Variants in CFH observed in about 807,000 individuals in gnomAD.
The protein encoded by CFH is complement factor H.
Under a neutral mutation model 147.3 loss-of-function variants are expected in CFH, and 53 were observed. The ratio of observed to expected loss-of-function variants is 0.36; its 90% CI spans 0.29 to 0.45. The LOEUF (loss-of-function observed/expected upper bound fraction) is 0.45, where lower values mean the gene tolerates loss of function less well. CFH is among the 20% of genes least tolerant of loss of function. The pLI, the probability that CFH is intolerant of heterozygous loss-of-function variation, is 1.00. For missense variants in CFH, 1,380 were observed against 1,498.0 expected (o/e 0.92, Z 1.30); for synonymous variants, 536 against 489.4 (o/e 1.10, Z -1.26).
At chr1:196,732,195 G>T (rs548002369) in intron 15 of CFH, among the ~76,000 whole-genome samples, 3 of 151,306 alleles carry the variant, frequency 2.0e-5, no homozygotes, top group African/African-American at 7.3e-5. Flanking sequence ...TGTTTATTTT[G>T]GTTCTCAGAT....
At chr1:196,691,909 T>C (rs1668037352) in intron 9 of CFH, among the ~76,000 whole-genome samples, 1 of 152,086 alleles carries the variant, frequency 6.6e-6, no homozygotes, top group Admixed American at 6.6e-5. Flanking sequence ...TGTGTTGATT[T>C]TATTCATGAT....
Position 196,726,902 on chromosome 1 carries a change from G to A in CFH, c.2198G>A (p.Cys733Tyr). The change falls in exon 14 of 22, where the codon TGT becomes TAT. Residue 733 changes from cysteine (C) to tyrosine (Y), a missense_variant. By Grantham distance (194) the Cys-to-Tyr change is radical. This residue lies in a region of CFH where 830 missense variants were observed against 821.4 expected (regional missense o/e 1.01). Transcript: ENST00000367429. ...ATGATTGGACACAGATCAATTACGT[G>A]TATTCATGGAGTATGGACCCAACTT... ...FTMIGHRSITCIHGVWTQLPQ... is the reference protein window; with the variant it reads ...FTMIGHRSITYIHGVWTQLPQ... 2.5e-6 allele frequency: 4 copies of A among 1,613,668 alleles called. No individual in the cohort carries two copies. The highest frequency in any genetic ancestry group is 3.4e-6 in the Non-Finnish European group (4 of 1,179,742).
At chr1:196,675,653 CAAT>C (rs140687268) in intron 3 of CFH, among the ~76,000 whole-genome samples, 48 of 151,942 alleles carry the variant, frequency 3.2e-4, no homozygotes, top group African/African-American at 1.1e-3. Flanking sequence ...TTGTATGAAA[CAAT>C]AATGATTTTG....
chr1:196,743,720 G>T, intron 20 of CFH, 92 bp downstream of exon 20: 3 of 1,565,136 alleles, frequency 1.9e-6, no homozygotes, highest in South Asian at 1.1e-5. Context: ...TTTATTAATA[G>T]ATTTTTCAAA....
At chr1:196,726,377 AT>A (rs1669137072) in intron 12 of CFH, 92 bp from the exon 13 acceptor site, 1 of 971,090 alleles carries the variant, frequency 1.0e-6, no homozygotes, top group Non-Finnish European at 1.6e-6. Context: ...TGAAGAATAC[AT>A]GAATAAAAGA....
chr1:196,733,232 T>C (rs1017240080), intron 15 of CFH, among the ~76,000 whole-genome samples: 1 of 152,016 alleles, frequency 6.6e-6, no homozygotes, highest in Non-Finnish European at 1.5e-5. Flanking sequence ...CTGTGCAAGC[T>C]CGATAGAGGC....
chr1:196,675,987 A>G lies in CFH; in HGVS notation c.351-2A>G, dbSNP rs113004102. On this transcript the variant is annotated splice_acceptor_variant, in intron 3 of 21. Transcript: ENST00000367429. LOFTEE classifies it high-confidence loss of function. The stretch of plus-strand genomic sequence containing the variant: ...AACGTTCTGTTATTTTTTGGTTTTC[A>G]GGTATCAATTGCTAGGTGAGATTAA... 4 of 1,605,506 alleles carry G rather than the reference A, an allele frequency of 2.5e-6. No individual in the cohort carries two copies. The highest frequency in any genetic ancestry group is 3.4e-6 in the Non-Finnish European group (4 of 1,172,908).
At chr1:196,697,806 C>T (rs1276432141) in intron 9 of CFH, among the ~76,000 whole-genome samples, 2 of 151,946 alleles carry the variant, frequency 1.3e-5, no homozygotes, top group Non-Finnish European at 2.9e-5. Flanking sequence ...ACATATACAC[C>T]ATAGAATACT....
At chr1:196,703,496 G>T (rs1033137417) in intron 9 of CFH, among the ~76,000 whole-genome samples, 3 of 152,114 alleles carry the variant, frequency 2.0e-5, no homozygotes, top group African/African-American at 7.2e-5. Flanking sequence ...TTCCCACATG[G>T]GGCTTGAGAT....
At chr1:196,722,973 C>T (rs1000386089) in intron 11 of CFH, among the ~76,000 whole-genome samples, 1 of 151,672 alleles carries the variant, frequency 6.6e-6, no homozygotes, top group African/African-American at 2.4e-5. Flanking sequence ...TCATTCATAT[C>T]CTGAGTTTTT....
chr1:196,742,430 A>G (rs1558185276), intron 19 of CFH, among the ~76,000 whole-genome samples: 1 of 152,214 alleles, frequency 6.6e-6, no homozygotes, highest in Non-Finnish European at 1.5e-5. Flanking sequence ...TTATTTATAT[A>G]GAGTGTTTTG....
At position 196,728,412 on chromosome 1, in the gene CFH, A is replaced by G; in HGVS notation, c.2303A>G (p.Lys768Arg). The G allele has an allele frequency of 6.2e-7, 1 of 1,607,298 alleles. No homozygotes were observed. Among genetic ancestry groups the G allele is most frequent in the African/African-American group, 1.3e-5 (1 of 74,858 alleles). ...ATACTTGAGGAACATTTAAAAAACA[A>G]GAAGGAATTCGATCATAATTCTAAC... ...LIILEEHLKN[K>R]KEFDHNSNIR... The change falls in exon 15 of 22, where the codon AAG (lysine) becomes AGG (arginine). Residue 768 changes from lysine (K) to arginine (R), a missense_variant. Coordinates refer to ENST00000367429, the MANE Select transcript of CFH (RefSeq NM_000186.4).
chr1:196,658,429 T>TTTTTTTTTTTTTTTTTTTTTTGGG, intron 1 of CFH, among the ~76,000 whole-genome samples: 1 of 144,810 alleles, frequency 6.9e-6, no homozygotes, highest in Non-Finnish European at 1.5e-5. Flanking sequence ...TTTTTTTTTT[T>TTTTTTTTTTTTTTTTTTTTTTGGG]GAGATGGAGT....
chr1:196,721,628 C>A (rs956071306), intron 11 of CFH, among the ~76,000 whole-genome samples: 2 of 151,912 alleles, frequency 1.3e-5, no homozygotes, highest in African/African-American at 4.8e-5. Flanking sequence ...TTTGTCCCTG[C>A]AATCTGTCTA....
chr1:196,744,904 C>A (rs1652947251), intron 20 of CFH, among the ~76,000 whole-genome samples: 1 of 151,924 alleles, frequency 6.6e-6, no homozygotes, highest in Non-Finnish European at 1.5e-5. Flanking sequence ...CCTTGGTATC[C>A]CTTTCTCTGA....
intron 9 of CFH, among the ~76,000 whole-genome samples, chr1:196,695,458 C>T (rs1351742137): frequency 6.6e-6 from 1 of 152,016 alleles, no homozygotes; most frequent in Non-Finnish European, 1.5e-5. Flanking sequence ...CAGCTTTGTG[C>T]TTTTTGATTA....
intron 9 of CFH, among the ~76,000 whole-genome samples, chr1:196,694,646 C>T (rs1283390280): frequency 2.6e-5 from 4 of 152,190 alleles, no homozygotes; most frequent in Admixed American, 6.5e-5. Context: ...CCTATTTCTC[C>T]GCATCCTCGC....
At chr1:196,661,884 T>G (rs1666922895) in intron 1 of CFH, among the ~76,000 whole-genome samples, 1 of 151,720 alleles carries the variant, frequency 6.6e-6, no homozygotes, top group Non-Finnish European at 1.5e-5. Flanking sequence ...AGGTTTTGTT[T>G]TGTTTGTTTT....
At chr1:196,689,920 T>G in intron 8 of CFH, 143 bp from the exon 9 acceptor site, 1 of 999,180 alleles carries the variant, frequency 1.0e-6, no homozygotes, top group Non-Finnish European at 1.4e-6. Flanking sequence ...TGTTAGTAAC[T>G]TTAGTTCGTC....
Sources: gnomAD v4.1 joint callset for allele counts (sites outside exome capture counted in the v4.1 genomes callset) on GRCh38, gnomAD v4.1.1 for gene constraint, gnomAD v4.1.1 regional missense constraint, MANE v1.5 for transcripts, NCBI Gene and HGNC (gene_info 2026-07-23, HGNC 2026-07-21) for gene names.